GALNT11: variants seen among roughly 807,000 people sequenced by gnomAD.
GALNT11 encodes the protein polypeptide N-acetylgalactosaminyltransferase 11, also known as UDP-GalNAc:polypeptide N-acetylgalactosaminyltransferase 11.
Under a neutral mutation model 72.7 loss-of-function variants are expected in GALNT11, and 47 were observed. The observed-to-expected ratio is 0.65, with a 90% CI of 0.51 to 0.82. GALNT11 has a LOEUF of 0.82. Among genes scored for constraint, GALNT11 ranks in the 40% least tolerant of loss-of-function variants. The probability of loss-of-function intolerance (pLI) is 0.00; values close to 1 mark genes in which losing one functional copy is unlikely to be tolerated. For synonymous variants in GALNT11, 270 were observed against 286.6 expected, an observed-to-expected ratio of 0.94 and a Z score of 0.58; for missense variants, 677 against 778.4, an observed-to-expected ratio of 0.87 and a Z score of 1.55.
At chr7:152,116,922 G>A (rs1202074124) in intron 8 of GALNT11, 4 of 653,820 alleles carry the variant, frequency 6.1e-6, no homozygotes, top group African/African-American at 5.3e-5. Flanking sequence ...CACACACGCA[G>A]ACCCTCCTGG....
chr7:152,027,997 T>A (rs886322864), intron 1 of GALNT11, among the ~76,000 whole-genome samples: 2 of 152,202 alleles, frequency 1.3e-5, no homozygotes, highest in Non-Finnish European at 2.9e-5. Flanking sequence ...GAGAGTTGTT[T>A]GTTCCTCGCA....
chr7:152,032,638 A>G (rs1218698233), intron 1 of GALNT11, among the ~76,000 whole-genome samples: 1 of 152,142 alleles, frequency 6.6e-6, no homozygotes, highest in Non-Finnish European at 1.5e-5. Flanking sequence ...ATTGCCTTTG[A>G]TAAGGAAATG....
chr7:152,042,250 A>G (rs530986731), intron 1 of GALNT11, among the ~76,000 whole-genome samples: 1 of 152,358 alleles, frequency 6.6e-6, no homozygotes, highest in Admixed American at 6.5e-5. Flanking sequence ...ATGACTATTA[A>G]AGGCCAATTT....
At chr7:152,112,354 C>A (rs1485132536) in intron 7 of GALNT11, among the ~76,000 whole-genome samples, 1 of 152,114 alleles carries the variant, frequency 6.6e-6, no homozygotes, top group Non-Finnish European at 1.5e-5. Flanking sequence ...GCCTGGCCAA[C>A]ATGGTGAAAC....
intron 2 of GALNT11, among the ~76,000 whole-genome samples, chr7:152,099,707 A>C (rs576432000): frequency 7.0e-6 from 1 of 143,242 alleles, no homozygotes; most frequent in East Asian, 2.2e-4. Context: ...AGTGACTTTG[A>C]TTAGGCCTGT....
chr7:152,103,175 T>A lies in GALNT11; in HGVS notation c.483T>A (p.Asn161Lys), dbSNP rs563862783. The change falls in exon 4 of 12, where the codon AAT becomes AAA. Residue 161 changes from asparagine (N) to lysine (K), a missense_variant. By Grantham distance (94) the Asn-to-Lys change is moderately conservative (BLOSUM62 0). Transcript: ENST00000430044. ...CTAGTGTTGTTATCTGTTTCTATAA[T>A]GAAGCGTTTTCTGCCTTGCTTCGGA... ...PAASVVICFY[N>K]EAFSALLRTV... 1.2e-6 allele frequency: 2 copies of A among 1,612,982 alleles called. No homozygotes were observed. The highest frequency in any genetic ancestry group is 2.7e-5 in the African/African-American group (2 of 74,922).
At chr7:152,092,001 G>T (rs2086070811) in intron 1 of GALNT11, among the ~76,000 whole-genome samples, 1 of 152,168 alleles carries the variant, frequency 6.6e-6, no homozygotes. Flanking sequence ...GGCCGGGAGT[G>T]GTTTGAGGAA....
chr7:152,036,011 A>G (rs970667177), intron 1 of GALNT11, among the ~76,000 whole-genome samples: 1 of 152,158 alleles, frequency 6.6e-6, no homozygotes, highest in African/African-American at 2.4e-5. Flanking sequence ...TGCTGGCGCA[A>G]CTGTCCTTGC....
chr7:152,053,296 C>T (rs543653741), intron 1 of GALNT11, among the ~76,000 whole-genome samples: 12 of 152,294 alleles, frequency 7.9e-5, no homozygotes, highest in Non-Finnish European at 1.2e-4. Context: ...TATCCTGCTC[C>T]GTGATCCATC....
intron 1 of GALNT11, among the ~76,000 whole-genome samples, chr7:152,027,122 G>A (rs577227984): frequency 7.2e-4 from 110 of 152,170 alleles, no homozygotes; most frequent in African/African-American, 2.3e-3. Flanking sequence ...GGTGGCAGGC[G>A]CCTGTAATCC....
At chr7:152,080,781 G>A (rs1349774726) in intron 1 of GALNT11, among the ~76,000 whole-genome samples, 1 of 151,792 alleles carries the variant, frequency 6.6e-6, no homozygotes, top group African/African-American at 2.4e-5. Flanking sequence ...GTCCAACATG[G>A]CGAAACCCCA....
At chr7:152,035,653 A>G (rs886177633) in intron 1 of GALNT11, among the ~76,000 whole-genome samples, 2 of 152,242 alleles carry the variant, frequency 1.3e-5, no homozygotes, top group Admixed American at 6.5e-5. Flanking sequence ...AGAGAGCCCT[A>G]TCCCGGAAAG....
At chr7:152,069,988 T>C (rs1007132274) in intron 1 of GALNT11, among the ~76,000 whole-genome samples, 7 of 143,262 alleles carry the variant, frequency 4.9e-5, no homozygotes, top group Non-Finnish European at 1.0e-4. Context: ...TTTTTTCTTT[T>C]TTCTTTTTCT....
chr7:152,104,542 T>G (rs1014927154), intron 4 of GALNT11: 3 of 152,170 alleles, frequency 2.0e-5, no homozygotes, highest in African/African-American at 7.2e-5. Flanking sequence ...AATTTATGGT[T>G]GGTTTTTGTT....
chr7:152,028,063 T>C (rs1204524211), intron 1 of GALNT11, among the ~76,000 whole-genome samples: 2 of 152,174 alleles, frequency 1.3e-5, no homozygotes, highest in African/African-American at 2.4e-5. Context: ...TCACAGTCAG[T>C]GTTACAGCTC....
In GALNT11 at chr7:152,087,013, C is replaced by A. The variant is rs116376367; in HGVS notation, c.-38-7177C>A. Among the ~76,000 whole-genome samples the A allele has an allele frequency of 5.4e-3, 826 of 152,072 alleles. 8 individuals carry two copies. The highest frequency in any genetic ancestry group is 0.019 in the African/African-American group (795 of 41,468). On this transcript the variant is annotated intron_variant, in intron 1 of 11. Transcript: ENST00000430044. ...TAGAAATTTGCAAGCATGTTGCTAA[C>A]CATATTACAGTAATTTTTTTCATTT...
Position 152,062,390 on chromosome 7 carries a change from A to G in GALNT11, c.-38-31800A>G, listed in dbSNP as rs188712383. Among the ~76,000 whole-genome samples the G allele has an allele frequency of 1.8e-3, 279 of 152,336 alleles. 2 individuals are homozygous for G. The highest frequency in any genetic ancestry group is 6.8e-3 in the Middle Eastern group (2 of 294). ...GCTGAGACGATGAGGTTTTCTAAATATACAATCATGTCATCTGCAAACAGG... is the reference window on the plus strand; with the variant it reads ...GCTGAGACGATGAGGTTTTCTAAATGTACAATCATGTCATCTGCAAACAGG... On this transcript the variant is annotated intron_variant, in intron 1 of 11. Transcript: ENST00000430044.
In GALNT11 at chr7:152,105,376, A is replaced by C. The variant is rs1364068713; in HGVS notation, c.712+6A>C. 1 of 1,611,380 alleles carries C rather than the reference A, an allele frequency of 6.2e-7. No homozygotes were observed. On this transcript the variant is annotated splice_donor_region_variant and intron_variant, in intron 5 of 11. Transcript: ENST00000430044. ...TGGCGCGGCCCACGCGACAGGTATC[A>C]CTTCTCGTTAGCTTTGCTCTACAGG...
chr7:152,036,069 C>T (rs1410021386), intron 1 of GALNT11, among the ~76,000 whole-genome samples: 1 of 152,156 alleles, frequency 6.6e-6, no homozygotes, highest in African/African-American at 2.4e-5. Context: ...TTCCCTTAAG[C>T]TTTCAGGCTT....
Sources: allele counts gnomAD v4.1 joint callset (sites outside exome capture counted in the v4.1 genomes callset), GRCh38; gene constraint gnomAD v4.1.1; transcripts MANE v1.5; gene names NCBI Gene and HGNC (gene_info 2026-07-23, HGNC 2026-07-21).